Variants in UGT2A1 observed in about 807,000 individuals in gnomAD.
The protein encoded by UGT2A1 is UDP glucuronosyltransferase family 2 member A1 complex locus, also known as UDP-glucuronosyltransferase 2A1.
A neutral mutation model predicts 45.4 loss-of-function variants in UGT2A1; 61 were observed. The ratio of observed to expected loss-of-function variants is 1.34; its 90% CI spans 1.09 to 1.66. The LOEUF (loss-of-function observed/expected upper bound fraction) is 1.66. Ranked by LOEUF, UGT2A1 falls within the 40% of genes most tolerant of loss-of-function variation. UGT2A1 has a pLI of 0.00. For synonymous variants in UGT2A1, 229 were observed against 196.2 expected (o/e 1.17, Z -1.40); for missense variants, 649 against 574.3 (o/e 1.13, Z -1.33).
At chr4:69,633,394 T>G (rs933359340) in intron 3 of UGT2A1, among the ~76,000 whole-genome samples, 1 of 152,162 alleles carries the variant, frequency 6.6e-6, no homozygotes, top group African/African-American at 2.4e-5. Context: ...GCACAACCTT[T>G]TGGGAAACTA....
intron 2 of UGT2A1, among the ~76,000 whole-genome samples, chr4:69,640,672 C>T (rs1026903860): frequency 6.6e-6 from 1 of 151,888 alleles, no homozygotes; most frequent in Non-Finnish European, 1.5e-5. Flanking sequence ...TAAGTTTATA[C>T]TCAATTGCCC....
intron 1 of UGT2A1, among the ~76,000 whole-genome samples, chr4:69,649,931 G>T (rs1006770473): frequency 2.9e-4 from 44 of 152,188 alleles, no homozygotes; most frequent in Admixed American, 1.2e-3. Context: ...GTGCATGAGA[G>T]GGAGTGGGTG....
chr4:69,645,499 A>T (rs1051261789), intron 2 of UGT2A1, among the ~76,000 whole-genome samples: 1 of 151,664 alleles, frequency 6.6e-6, no homozygotes, highest in Non-Finnish European at 1.5e-5. Flanking sequence ...GCCTGTAAGC[A>T]CCTGCTCTCC....
At chr4:69,596,325 C>T in intron 4 of UGT2A1, 1 of 1,607,620 alleles carries the variant, frequency 6.2e-7, no homozygotes, top group Non-Finnish European at 8.5e-7. Context: ...CCATTGATCC[C>T]AGAGAAAACA....
At chr4:69,633,783 C>T (rs1347116795) in intron 3 of UGT2A1, among the ~76,000 whole-genome samples, 1 of 151,928 alleles carries the variant, frequency 6.6e-6, no homozygotes, top group Non-Finnish European at 1.5e-5. Flanking sequence ...AAGTGTTTAC[C>T]ATTAAATAGG....
intron 2 of UGT2A1, among the ~76,000 whole-genome samples, chr4:69,639,884 A>G (rs746062538): frequency 6.6e-6 from 1 of 152,062 alleles, no homozygotes. Flanking sequence ...CCATCTACAT[A>G]TTCTGTGATA....
Position 69,599,166 on chromosome 4 carries a change from T to A in UGT2A1, c.996+80A>T, listed in dbSNP as rs534336875. 4.8e-6 allele frequency: 7 copies of A among 1,473,202 alleles called. No individual in the cohort carries two copies. In the Admixed American group the frequency reaches 1.6e-4, roughly 33 times the overall value. 91.3% of individuals were successfully genotyped at this position (1,473,202 alleles called of 1,614,324 possible). ...TGAAATGTCCAGCAGCATTTATTTG[T>A]TATTGAGGCTATAAACTTTAAAAGA... On this transcript the variant is annotated intron_variant, in intron 4 of 6. Coordinates refer to ENST00000286604, the MANE Select transcript of UGT2A1 (RefSeq NM_001252275.3).
chr4:69,638,846 T>G (rs1487858003), intron 2 of UGT2A1: 1 of 1,468,148 alleles, frequency 6.8e-7, no homozygotes, highest in Non-Finnish European at 9.0e-7. Flanking sequence ...CATATGACAA[T>G]AAGAATAAAT....
chr4:69,599,452 A>T (rs1719130636), intron 3 of UGT2A1, 58 bp from the exon 4 acceptor site: 1 of 1,571,608 alleles, frequency 6.4e-7, no homozygotes, highest in African/African-American at 1.4e-5. Flanking sequence ...TGCTGAGGAG[A>T]AAAAAAAGCT....
intron 3 of UGT2A1, among the ~76,000 whole-genome samples, chr4:69,614,198 A>C (rs1415716071): frequency 6.6e-6 from 1 of 152,054 alleles, no homozygotes; most frequent in Non-Finnish European, 1.5e-5. Context: ...CATATGTTAA[A>C]AAAGGAAGTA....
intron 3 of UGT2A1, among the ~76,000 whole-genome samples, chr4:69,630,753 T>C (rs1394207987): frequency 6.6e-6 from 1 of 152,128 alleles, no homozygotes; most frequent in Non-Finnish European, 1.5e-5. Flanking sequence ...CGAACTGGTA[T>C]ACAGACCCTA....
At chr4:69,596,471 T>C (rs1287882896) in intron 4 of UGT2A1, 3 of 1,367,810 alleles carry the variant, frequency 2.2e-6, no homozygotes, top group East Asian at 2.7e-5. Flanking sequence ...AAAATTAAGA[T>C]ATATGTCAGA....
At chr4:69,638,434 G>A (rs1403397400) in intron 2 of UGT2A1, among the ~76,000 whole-genome samples, 2 of 152,108 alleles carry the variant, frequency 1.3e-5, no homozygotes, top group African/African-American at 4.8e-5. Flanking sequence ...AAGATAGAGA[G>A]ACAGTGAGAA....
chr4:69,646,798 A>G, intron 2 of UGT2A1, 132 bp downstream of exon 2: 1 of 583,692 alleles, frequency 1.7e-6, no homozygotes, highest in East Asian at 3.1e-5. Flanking sequence ...CTTTTCTGCT[A>G]TCAAGTGATA....
chr4:69,625,102 C>T (rs1020696908), intron 3 of UGT2A1, among the ~76,000 whole-genome samples: 2 of 150,780 alleles, frequency 1.3e-5, no homozygotes, highest in African/African-American at 4.8e-5. Context: ...TATTTTAGTA[C>T]TTTTTAGGTG....
intron 3 of UGT2A1, among the ~76,000 whole-genome samples, chr4:69,629,394 T>A (rs1450313494): frequency 1.3e-5 from 2 of 152,004 alleles, no homozygotes; most frequent in East Asian, 3.9e-4. Flanking sequence ...AAGAGCTGAG[T>A]TCCAATCTTT....
intron 1 of UGT2A1, among the ~76,000 whole-genome samples, chr4:69,649,808 A>G (rs909473304): frequency 1.3e-5 from 2 of 152,070 alleles, no homozygotes; most frequent in African/African-American, 4.8e-5. Flanking sequence ...AGGTGCACAG[A>G]TAAGATTAGT....
At chr4:69,614,506 A>G (rs1424207612) in intron 3 of UGT2A1, among the ~76,000 whole-genome samples, 1 of 152,034 alleles carries the variant, frequency 6.6e-6, no homozygotes, top group Non-Finnish European at 1.5e-5. Context: ...AAAGACCAGA[A>G]TAGCCAAAGC....
intron 2 of UGT2A1, among the ~76,000 whole-genome samples, chr4:69,640,884 T>C (rs1722015324): frequency 6.6e-6 from 1 of 151,822 alleles, no homozygotes; most frequent in South Asian, 2.1e-4. Flanking sequence ...GTGTAAATAA[T>C]CTTAATGGTC....
Sources: gnomAD v4.1 joint callset for allele counts (sites outside exome capture counted in the v4.1 genomes callset) on GRCh38, gnomAD v4.1.1 for gene constraint, MANE v1.5 for transcripts, NCBI Gene and HGNC (gene_info 2026-07-23, HGNC 2026-07-21) for gene names.